PPARGC1A: variants seen among roughly 807,000 people sequenced by gnomAD.
PPARGC1A encodes peroxisome proliferator-activated receptor gamma coactivator 1-alpha.
Under a neutral mutation model 88.7 loss-of-function variants are expected in PPARGC1A, and 25 were observed. The observed-to-expected ratio is 0.28, with a 90% confidence interval of 0.21 to 0.39. PPARGC1A has a LOEUF of 0.39. PPARGC1A is among the 10% of genes least tolerant of loss of function. The pLI is 1.00. For missense variants in PPARGC1A, 880 were observed against 968.7 expected, an observed-to-expected ratio of 0.91 and a Z score of 1.22; for synonymous variants, 363 against 355.6, an observed-to-expected ratio of 1.02 and a Z score of -0.24.
intron 2 of PPARGC1A, among the ~76,000 whole-genome samples, chr4:23,838,327 A>G (rs563416346): frequency 1.4e-4 from 22 of 152,212 alleles, no homozygotes; most frequent in African/African-American, 4.8e-4. Context: ...ACACCCAACC[A>G]AAAGTGGGCG....
chr4:23,867,767 G>C (rs1712338376), intron 2 of PPARGC1A, among the ~76,000 whole-genome samples: 1 of 152,152 alleles, frequency 6.6e-6, no homozygotes, highest in African/African-American at 2.4e-5. Context: ...CCCTAAGCTT[G>C]ATTCTTCCAA....
chr4:24,266,247 T>G, the PPARGC1A span, among the ~76,000 whole-genome samples: 1 of 152,268 alleles, frequency 6.6e-6, no homozygotes, highest in African/African-American at 2.4e-5. Flanking sequence ...AGTTGCAGTC[T>G]CCCACTTGGG....
chr4:23,832,035 G>GC (rs1725101221), intron 2 of PPARGC1A, among the ~76,000 whole-genome samples: 1 of 152,144 alleles, frequency 6.6e-6, no homozygotes, highest in Non-Finnish European at 1.5e-5. Flanking sequence ...CTTGGTTACA[G>GC]AAGTGTTTTC....
chr4:24,318,730 T>C, the PPARGC1A span, among the ~76,000 whole-genome samples: 4 of 152,234 alleles, frequency 2.6e-5, no homozygotes, highest in African/African-American at 7.2e-5. Flanking sequence ...TTTTTATAAA[T>C]TGAATGGCAA....
chr4:23,991,775 A>G, the PPARGC1A span, among the ~76,000 whole-genome samples: 1 of 152,110 alleles, frequency 6.6e-6, no homozygotes, highest in East Asian at 1.9e-4. Flanking sequence ...ACCCATTGCC[A>G]TGATCTCTCC....
chr4:24,206,412 C>A, the PPARGC1A span, among the ~76,000 whole-genome samples: 2 of 152,246 alleles, frequency 1.3e-5, no homozygotes, highest in East Asian at 1.9e-4. Flanking sequence ...TTTGCAATAA[C>A]ACAGAAACAT....
the PPARGC1A span, among the ~76,000 whole-genome samples, chr4:24,443,162 C>T: frequency 0.64 from 96,550 of 151,774 alleles, 31,197 homozygotes; most frequent in Middle Eastern, 0.78. Flanking sequence ...ATATATTTGT[C>T]TGGTTGGTCA....
At chr4:23,826,896 C>T (rs1237617586) in intron 5 of PPARGC1A, among the ~76,000 whole-genome samples, 2 of 152,046 alleles carry the variant, frequency 1.3e-5, no homozygotes, top group African/African-American at 2.4e-5. Flanking sequence ...CCTGTGCTGC[C>T]GGGCTGGGTC....
chr4:23,808,793 C>T (rs1366002466), intron 10 of PPARGC1A, among the ~76,000 whole-genome samples: 1 of 152,134 alleles, frequency 6.6e-6, no homozygotes. Context: ...GCTCACTCAA[C>T]TTGGGCTGAA....
At chr4:23,911,996 A>C in the PPARGC1A span, among the ~76,000 whole-genome samples, 1 of 152,222 alleles carries the variant, frequency 6.6e-6, no homozygotes, top group Non-Finnish European at 1.5e-5. Context: ...TTCAAACTGA[A>C]TAATTGCAAA....
intron 2 of PPARGC1A, among the ~76,000 whole-genome samples, chr4:23,865,448 G>A (rs145476987): frequency 9.3e-4 from 142 of 152,222 alleles, no homozygotes; most frequent in African/African-American, 3.4e-3. Flanking sequence ...CACTTAGCAC[G>A]GCCCCAATAA....
At chr4:24,387,762 GAGAGAGAAAGAAAGAAAGAAAGAAAGAA>G in the PPARGC1A span, among the ~76,000 whole-genome samples, 1 of 73,006 alleles carries the variant, frequency 1.4e-5, no homozygotes, top group South Asian at 5.3e-4. Flanking sequence ...GAGAGAGAGA[GAGAGAGAAAGAAAGAAAGAAAGAAAGAA>G]AGAAAGAAAG....
At chr4:24,081,386 T>TA in the PPARGC1A span, among the ~76,000 whole-genome samples, 1 of 151,932 alleles carries the variant, frequency 6.6e-6, no homozygotes, top group African/African-American at 2.4e-5. Flanking sequence ...TTTTCCTGTG[T>TA]AAAAAAAGGA....
the PPARGC1A span, among the ~76,000 whole-genome samples, chr4:24,027,578 T>C: frequency 7.2e-5 from 11 of 152,178 alleles, no homozygotes; most frequent in Non-Finnish European, 1.6e-4. Flanking sequence ...AGGTTTACCC[T>C]GGGCTCAACC....
At chr4:24,166,294 G>T in the PPARGC1A span, among the ~76,000 whole-genome samples, 1 of 152,222 alleles carries the variant, frequency 6.6e-6, no homozygotes, top group Admixed American at 6.5e-5. Flanking sequence ...TTTAAAGAAA[G>T]AAGTCATCTC....
the PPARGC1A span, among the ~76,000 whole-genome samples, chr4:24,423,885 A>C: frequency 6.6e-6 from 1 of 152,208 alleles, no homozygotes; most frequent in Non-Finnish European, 1.5e-5. Flanking sequence ...TGGCTCAACT[A>C]GACACATACA....
At chr4:23,891,382 T>C (rs2148857432), upstream of PPARGC1A, among the ~76,000 whole-genome samples, 1 of 152,334 alleles carries the variant, frequency 6.6e-6, no homozygotes, top group African/African-American at 2.4e-5. Flanking sequence ...ATCCCCCAGT[T>C]ACCTAAATAT....
chr4:24,095,277 C>T, the PPARGC1A span, among the ~76,000 whole-genome samples: 366 of 151,820 alleles, frequency 2.4e-3, no homozygotes, highest in Middle Eastern at 6.8e-3. Flanking sequence ...ACTACCATGC[C>T]GGCTAATTTT....
chr4:24,170,846 C>A, the PPARGC1A span, among the ~76,000 whole-genome samples: 1 of 152,178 alleles, frequency 6.6e-6, no homozygotes, highest in Non-Finnish European at 1.5e-5. Flanking sequence ...ACCTCAATAT[C>A]TTGCAAGGCA....
Sources: allele counts gnomAD v4.1 joint callset (sites outside exome capture counted in the v4.1 genomes callset), GRCh38; gene constraint gnomAD v4.1.1; transcripts MANE v1.5; gene names NCBI Gene and HGNC (gene_info 2026-07-23, HGNC 2026-07-21).